The following GGACT variants were observed in gnomAD, a reference collection of about 807,000 sequenced individuals.
The protein encoded by GGACT is gamma-glutamylamine cyclotransferase, also known as gamma-glutamylaminecyclotransferase.
For synonymous variants in GGACT, 118 were observed against 115.3 expected (o/e 1.02, Z -0.15); for missense variants, 241 against 233.2 (o/e 1.03, Z -0.22).
At chr13:100,568,650 T>A (rs567940493) in intron 2 of GGACT, among the ~76,000 whole-genome samples, 1 of 152,258 alleles carries the variant, frequency 6.6e-6, no homozygotes, top group East Asian at 1.9e-4. Flanking sequence ...CCCTCCCAAA[T>A]CATATGTCTT....
intron 2 of GGACT, among the ~76,000 whole-genome samples, chr13:100,540,887 CCTG>C (rs1346004229): frequency 6.6e-6 from 1 of 152,230 alleles, no homozygotes; most frequent in African/African-American, 2.4e-5. Context: ...GCACCAGGCC[CCTG>C]GGCCGGGCTG....
Position 100,569,113 on chromosome 13 carries a change from C to A in GGACT, c.-11+14712G>T, listed in dbSNP as rs751629749. Among the ~76,000 whole-genome samples, 40 of 152,218 alleles carry A rather than the reference C, an allele frequency of 2.6e-4. 1 individual carries two copies. Among genetic ancestry groups the A allele is most frequent in the Non-Finnish European group, 5.7e-4 (39 of 68,040 alleles). ...AGTGTCTGCTGCTTTTCCAGGTGCACGGTGCAAGCCATTGGTGGTTCCACC... is the reference window on the plus strand; with the variant it reads ...AGTGTCTGCTGCTTTTCCAGGTGCAAGGTGCAAGCCATTGGTGGTTCCACC... On this transcript the variant is annotated intron_variant, in intron 2 of 2. Coordinates refer to ENST00000683975, the MANE Select transcript of GGACT (RefSeq NM_001195087.2).
At chr13:100,583,684 C>A (rs577734647) in intron 2 of GGACT, 141 bp downstream of exon 2, 3 of 152,176 alleles carry the variant, frequency 2.0e-5, no homozygotes, top group Admixed American at 2.0e-4. Flanking sequence ...TACAAGCCAC[C>A]GTACCTGGCT....
At position 100,556,592 on chromosome 13, in the gene GGACT, G is replaced by GT. The variant is rs527630027; in HGVS notation, c.-10-23992dup. Among the ~76,000 whole-genome samples, 464 of 148,306 alleles carry GT rather than the reference G, an allele frequency of 3.1e-3. 2 individuals are homozygous for GT. Among genetic ancestry groups the GT allele is most frequent in the South Asian group, 0.021 (99 of 4,656 alleles). On this transcript the variant is annotated intron_variant, in intron 2 of 2. Transcript: ENST00000683975. ...CACAATCTTAATGAAAATCCCAGGG[G>GT]TTTTTTTTTTGTAGAAATTGATGAG...
intron 2 of GGACT, among the ~76,000 whole-genome samples, chr13:100,560,124 C>T (rs998413034): frequency 3.3e-5 from 5 of 151,818 alleles, no homozygotes; most frequent in East Asian, 3.9e-4. Flanking sequence ...GCAAAGAGGC[C>T]GCAGGAAGCT....
rs1188718418 is a variant in GGACT at position 100,550,314 on chromosome 13, A to T, written c.-10-17713T>A. 2.3e-4 allele frequency among the ~76,000 whole-genome samples: 24 copies of T among 103,608 alleles called. 2 individuals carry two copies. Among genetic ancestry groups the T allele is most frequent in the African/African-American group, 6.6e-4 (15 of 22,822 alleles). The allele number at this position is 103,608 out of a possible 152,430, so 68.0% of individuals were successfully genotyped here. Reference sequence around the variant, plus strand: ...GATTATACTCTACACACACACACACACACACACACACACACACACACACAC... The same window carrying T: ...GATTATACTCTACACACACACACACTCACACACACACACACACACACACAC... On this transcript the variant is annotated intron_variant, in intron 2 of 2. Coordinates refer to ENST00000683975, the MANE Select transcript of GGACT (RefSeq NM_001195087.2).
At chr13:100,550,060 C>T (rs908146138) in intron 2 of GGACT, among the ~76,000 whole-genome samples, 3 of 152,006 alleles carry the variant, frequency 2.0e-5, no homozygotes, top group Admixed American at 6.6e-5. Context: ...AAGAAGGGAG[C>T]GGGGAAGGCA....
chr13:100,540,348 A>G, intron 2 of GGACT: 1 of 684,784 alleles, frequency 1.5e-6, no homozygotes. Flanking sequence ...GTTCAGTCTC[A>G]GTAGGTTGTG....
chr13:100,572,982 C>T (rs2153016405), intron 2 of GGACT, among the ~76,000 whole-genome samples: 1 of 152,214 alleles, frequency 6.6e-6, no homozygotes, highest in Admixed American at 6.5e-5. Flanking sequence ...TATTAATACC[C>T]TTGGAGAAGC....
At chr13:100,547,567 G>A (rs977758089) in intron 2 of GGACT, among the ~76,000 whole-genome samples, 5 of 152,204 alleles carry the variant, frequency 3.3e-5, no homozygotes, top group African/African-American at 9.6e-5. Flanking sequence ...CGTTCTTGTC[G>A]GAGCTCAGCA....
chr13:100,567,498 C>T (rs1032071571), intron 2 of GGACT, among the ~76,000 whole-genome samples: 18 of 152,306 alleles, frequency 1.2e-4, no homozygotes, highest in African/African-American at 3.8e-4. Context: ...CTGTCCCAGC[C>T]CTGGCATCAG....
intron 2 of GGACT, among the ~76,000 whole-genome samples, chr13:100,559,402 G>GTCT (rs2088737952): frequency 6.6e-6 from 1 of 152,132 alleles, no homozygotes; most frequent in African/African-American, 2.4e-5. Context: ...GCCCAGGCTG[G>GTCT]TCTTCATCTC....
In GGACT at chr13:100,539,899, C is replaced by T; in HGVS notation, c.-10-7298G>A. 4.8e-6 allele frequency: 6 copies of T among 1,238,868 alleles called. No individual in the cohort carries two copies. In the Admixed American group the frequency reaches 8.5e-5, roughly 18 times the overall value. The allele number at this position is 1,238,868 out of a possible 1,614,324, so 76.7% of individuals were successfully genotyped here. ...GTCTTCAGTCTTTAAGAACTCAGCT[C>T]CTTACATGGGCTTTGGTGGGGGACG... On this transcript the variant is annotated intron_variant, in intron 2 of 2. Transcript: ENST00000683975.
chr13:100,552,146 T>A (rs976747059), intron 2 of GGACT, among the ~76,000 whole-genome samples: 2 of 152,190 alleles, frequency 1.3e-5, no homozygotes, highest in African/African-American at 4.8e-5. Context: ...GAATTTCTAA[T>A]TTCCCCAGGA....
rs943935063 is a variant in GGACT at position 100,532,420 on chromosome 13, C to A, written c.172G>T (p.Gly58Cys). The part of the protein sequence containing the change: ...HNIPWLLHLP[G>C]SGRLVEGEVY... ...TCGCCCTCCACGAGGCGCCCCGAGC[C>A]GGGCAGGTGCAGCAGCCACGGGATG... is the stretch of plus-strand genomic sequence containing the variant. The change falls in exon 3 of 3, where the codon GGC (glycine) becomes TGC (cysteine). Residue 58 changes from glycine (G) to cysteine (C), a missense_variant. Coordinates refer to ENST00000683975, the MANE Select transcript of GGACT (RefSeq NM_001195087.2). 5 of 1,549,938 alleles carry A rather than the reference C, an allele frequency of 3.2e-6. No homozygotes were observed. The Admixed American group carries it at 5.9e-5, about 18-fold the overall frequency.
rs559474172 is a variant in GGACT at position 100,578,363 on chromosome 13, G to T, written c.-11+5462C>A. Among the ~76,000 whole-genome samples the T allele has an allele frequency of 2.0e-5, 3 of 152,364 alleles. No homozygotes were observed. In the South Asian group the frequency reaches 6.2e-4, roughly 32 times the overall value. On this transcript the variant is annotated intron_variant, in intron 2 of 2. Transcript: ENST00000683975. The stretch of plus-strand genomic sequence containing the variant: ...ACCGCAACCTGAGAGTCCAGAATGT[G>T]TCGCATTTGCGTAAGATATCTGCCA...
intron 2 of GGACT, among the ~76,000 whole-genome samples, chr13:100,569,877 C>T (rs1003164331): frequency 5.9e-5 from 9 of 152,290 alleles, no homozygotes; most frequent in East Asian, 5.8e-4. Context: ...GGCAAAATGC[C>T]GCCAGTCTCT....
At chr13:100,574,174 C>A (rs1441658385) in intron 2 of GGACT, among the ~76,000 whole-genome samples, 1 of 152,188 alleles carries the variant, frequency 6.6e-6, no homozygotes, top group Admixed American at 6.5e-5. Context: ...AAATGTGGCA[C>A]ATATACACCA....
chr13:100,534,132 T>G lies in GGACT; in HGVS notation c.-10-1531A>C, dbSNP rs993799046. Reference sequence around the variant, plus strand: ...TCTTCTCAGCAAACAAGAGCTGCTCTGGGGGGTTCTAGGCCTCATTTTGCT... The same window carrying G: ...TCTTCTCAGCAAACAAGAGCTGCTCGGGGGGGTTCTAGGCCTCATTTTGCT... On this transcript the variant is annotated intron_variant, in intron 2 of 2. Coordinates refer to ENST00000683975, the MANE Select transcript of GGACT (RefSeq NM_001195087.2). The surrounding 1 kb of genome is among the most constrained non-coding windows in gnomAD (Gnocchi z 4.9). Among the ~76,000 whole-genome samples the G allele has an allele frequency of 6.6e-6, 1 of 152,198 alleles. No homozygotes were observed. Among genetic ancestry groups the G allele is most frequent in the African/African-American group, 2.4e-5 (1 of 41,448 alleles).
Sources: allele counts gnomAD v4.1 joint callset (sites outside exome capture counted in the v4.1 genomes callset), GRCh38; gene constraint gnomAD v4.1.1; non-coding constraint Gnocchi (gnomAD v3.1); transcripts MANE v1.5; gene names NCBI Gene and HGNC (gene_info 2026-07-23, HGNC 2026-07-21).